The following PCDH15 variants were observed in gnomAD, a reference collection of about 807,000 sequenced individuals.
PCDH15 encodes protocadherin related 15.
Under a neutral mutation model 178.5 loss-of-function variants are expected in PCDH15, and 129 were observed. The ratio of observed to expected loss-of-function variants is 0.72; its 90% confidence interval spans 0.63 to 0.84. The LOEUF (loss-of-function observed/expected upper bound fraction) is 0.84, where lower values mean the gene tolerates loss of function less well. Ranked by LOEUF, PCDH15 falls within the 40% of genes least tolerant of loss-of-function variation. The probability of loss-of-function intolerance (pLI) is 0.00; values close to 1 mark genes in which losing one functional copy is unlikely to be tolerated. For missense variants in PCDH15, 2,230 were observed against 2,099.9 expected (o/e 1.06, Z -1.21); for synonymous variants, 800 against 732.0 (o/e 1.09, Z -1.50).
At chr10:55,213,533 G>A (rs554033458) in intron 1 of PCDH15, among the ~76,000 whole-genome samples, 1 of 151,824 alleles carries the variant, frequency 6.6e-6, no homozygotes, top group South Asian at 2.1e-4. Flanking sequence ...ATTTTTATAA[G>A]TTAAATTTTT....
chr10:54,454,985 A>G (rs2076726465), intron 3 of PCDH15, among the ~76,000 whole-genome samples: 1 of 152,086 alleles, frequency 6.6e-6, no homozygotes, highest in Non-Finnish European at 1.5e-5. Flanking sequence ...GATTACTCTC[A>G]TGCTGTTCTT....
chr10:54,925,590 C>T (rs930100946), intron 2 of PCDH15, among the ~76,000 whole-genome samples: 1 of 152,094 alleles, frequency 6.6e-6, no homozygotes, highest in Non-Finnish European at 1.5e-5. Flanking sequence ...CGATGTTTTT[C>T]CATTTGTTTG....
intron 2 of PCDH15, among the ~76,000 whole-genome samples, chr10:55,324,714 G>T (rs1843987670): frequency 6.6e-6 from 1 of 151,976 alleles, no homozygotes; most frequent in African/African-American, 2.4e-5. Context: ...TTCAGGGCCT[G>T]AACTCAACAA....
chr10:54,425,460 C>T (rs1304492912), intron 3 of PCDH15, among the ~76,000 whole-genome samples: 1 of 152,114 alleles, frequency 6.6e-6, no homozygotes, highest in Non-Finnish European at 1.5e-5. Flanking sequence ...CTTGGATTTC[C>T]AAGCCTCCTT....
intron 29 of PCDH15, among the ~76,000 whole-genome samples, chr10:53,837,456 G>A (rs1245010399): frequency 2.0e-5 from 3 of 152,086 alleles, no homozygotes; most frequent in African/African-American, 7.2e-5. Context: ...TCCTGTCTAT[G>A]CATTTATGAG....
intron 1 of PCDH15, among the ~76,000 whole-genome samples, chr10:55,271,083 C>T (rs1156808784): frequency 6.6e-6 from 1 of 151,980 alleles, no homozygotes; most frequent in African/African-American, 2.4e-5. Context: ...GGGAGCTGAA[C>T]ACTGAGCACA....
chr10:54,060,393 T>A (rs2093988492), intron 18 of PCDH15, among the ~76,000 whole-genome samples: 1 of 152,192 alleles, frequency 6.6e-6, no homozygotes, highest in South Asian at 2.1e-4. Context: ...AACAATTGTT[T>A]GCATTTAGTT....
At chr10:54,332,881 C>G (rs1449137508) in intron 6 of PCDH15, among the ~76,000 whole-genome samples, 1 of 152,020 alleles carries the variant, frequency 6.6e-6, no homozygotes, top group Non-Finnish European at 1.5e-5. Context: ...CATCTTAAAT[C>G]TATCCTTTAG....
chr10:55,258,946 T>C (rs1282581438), intron 1 of PCDH15, among the ~76,000 whole-genome samples: 3 of 152,098 alleles, frequency 2.0e-5, no homozygotes, highest in African/African-American at 7.2e-5. Context: ...TTGTCATGAT[T>C]GCTTCCTTAC....
intron 3 of PCDH15, among the ~76,000 whole-genome samples, chr10:54,825,246 G>A (rs1196944710): frequency 2.6e-5 from 4 of 151,382 alleles, no homozygotes; most frequent in African/African-American, 9.7e-5. Flanking sequence ...GTGTATATGT[G>A]CCACAGTTTC....
chr10:54,316,300 A>G (rs2061264402), intron 8 of PCDH15, among the ~76,000 whole-genome samples: 2 of 152,072 alleles, frequency 1.3e-5, no homozygotes, highest in African/African-American at 4.8e-5. Context: ...CTGGCTTTAC[A>G]TTTAGGAGGC....
intron 6 of PCDH15, among the ~76,000 whole-genome samples, chr10:54,337,617 G>A (rs1941435520): frequency 1.3e-5 from 2 of 152,050 alleles, no homozygotes; most frequent in African/African-American, 4.8e-5. Context: ...AACTACAGCT[G>A]GAACTACTTC....
At chr10:55,042,639 CA>C (rs1400633055) in intron 2 of PCDH15, among the ~76,000 whole-genome samples, 4 of 151,962 alleles carry the variant, frequency 2.6e-5, no homozygotes, top group Admixed American at 2.6e-4. Context: ...TGTTTTGACC[CA>C]AACAAGTCAA....
chr10:55,507,713 AT>A (rs1406045383), intron 2 of PCDH15, among the ~76,000 whole-genome samples: 1 of 122,754 alleles, frequency 8.1e-6, no homozygotes, highest in Non-Finnish European at 1.7e-5. Flanking sequence ...AATTTGAATG[AT>A]TCGTATAATT....
At chr10:54,884,963 C>T (rs1051489999) in intron 3 of PCDH15, among the ~76,000 whole-genome samples, 1 of 151,964 alleles carries the variant, frequency 6.6e-6, no homozygotes, top group African/African-American at 2.4e-5. Context: ...TTCTCCATTT[C>T]CTTCACTTTC....
intron 1 of PCDH15, among the ~76,000 whole-genome samples, chr10:55,261,989 C>A (rs1842155710): frequency 7.9e-6 from 1 of 127,380 alleles, no homozygotes; most frequent in Non-Finnish European, 1.6e-5. Context: ...CATTTCACTG[C>A]TGGGAGAAAG....
intron 2 of PCDH15, among the ~76,000 whole-genome samples, chr10:55,025,640 A>G (rs1002374627): frequency 6.6e-6 from 1 of 151,990 alleles, no homozygotes; most frequent in African/African-American, 2.4e-5. Flanking sequence ...TACATATTGG[A>G]GGAGTTATAA....
At chr10:54,870,026 G>C (rs959137175) in intron 3 of PCDH15, among the ~76,000 whole-genome samples, 1 of 152,174 alleles carries the variant, frequency 6.6e-6, no homozygotes, top group African/African-American at 2.4e-5. Flanking sequence ...TTTCCCCTGT[G>C]CAGTAACTCG....
chr10:55,181,048 T>C (rs1337592291), intron 1 of PCDH15, among the ~76,000 whole-genome samples: 1 of 151,882 alleles, frequency 6.6e-6, no homozygotes, highest in African/African-American at 2.4e-5. Flanking sequence ...CTTTAGATAG[T>C]GTGGAAAAGA....
Sources: allele counts gnomAD v4.1 joint callset (sites outside exome capture counted in the v4.1 genomes callset), GRCh38; gene constraint gnomAD v4.1.1; transcripts MANE v1.5; gene names NCBI Gene and HGNC (gene_info 2026-07-23, HGNC 2026-07-21).